Variants in SNTG1 observed in about 807,000 individuals in gnomAD.
The protein encoded by SNTG1 is gamma-1-syntrophin.
Under a neutral mutation model 74.7 loss-of-function variants are expected in SNTG1, and 39 were observed. That is an observed-to-expected ratio of 0.52 (90% CI 0.40 to 0.68). The LOEUF (loss-of-function observed/expected upper bound fraction) is 0.68, where lower values mean the gene tolerates loss of function less well. Ranked by LOEUF, SNTG1 falls within the 30% of genes least tolerant of loss-of-function variation. SNTG1 has a pLI of 0.00. For synonymous variants in SNTG1, 254 were observed against 217.1 expected, an observed-to-expected ratio of 1.17 and a Z score of -1.49; for missense variants, 685 against 609.5, an observed-to-expected ratio of 1.12 and a Z score of -1.30.
intron 8 of SNTG1, among the ~76,000 whole-genome samples, chr8:50,465,941 A>T (rs1467911921): frequency 1.3e-5 from 2 of 152,144 alleles, no homozygotes; most frequent in African/African-American, 4.8e-5. Context: ...ATTTTTAGAA[A>T]TCAATTGGCT....
intron 1 of SNTG1, among the ~76,000 whole-genome samples, chr8:50,110,091 T>C (rs2080525282): frequency 6.6e-6 from 1 of 152,192 alleles, no homozygotes; most frequent in African/African-American, 2.4e-5. Flanking sequence ...GAAGGTTGTG[T>C]AGTGGTTAAA....
At chr8:50,126,755 C>T (rs1274215241) in intron 1 of SNTG1, among the ~76,000 whole-genome samples, 1 of 151,648 alleles carries the variant, frequency 6.6e-6, no homozygotes, top group Admixed American at 6.6e-5. Flanking sequence ...GAACAGGTGA[C>T]AATAGTATCC....
intron 3 of SNTG1, among the ~76,000 whole-genome samples, chr8:50,398,665 G>T (rs186607912): frequency 6.6e-6 from 1 of 152,136 alleles, no homozygotes; most frequent in Non-Finnish European, 1.5e-5. Flanking sequence ...GGTGGCTCAC[G>T]CCTGTAATCC....
intron 9 of SNTG1, among the ~76,000 whole-genome samples, chr8:50,509,676 C>T (rs2094046965): frequency 6.6e-6 from 1 of 152,088 alleles, no homozygotes; most frequent in African/African-American, 2.4e-5. Context: ...CTCTTTGAAG[C>T]AATTGTGAAT....
chr8:50,636,887 TGTAA>T (rs1420901593), intron 13 of SNTG1, among the ~76,000 whole-genome samples: 2 of 152,202 alleles, frequency 1.3e-5, no homozygotes, highest in South Asian at 2.1e-4. Context: ...TTAAACACTA[TGTAA>T]GTGTTTATAA....
Position 50,450,526 on chromosome 8 carries a change from G to A in SNTG1, c.278-30G>A, listed in dbSNP as rs778673373. ...CATCTGCATAACAAAAACAGTCAAT[G>A]CATTATCAATTGTGCTTTTTCATTC... On this transcript the variant is annotated intron_variant, in intron 6 of 18. Coordinates refer to ENST00000642720, the MANE Select transcript of SNTG1 (RefSeq NM_018967.5). 5.0e-6 allele frequency: 8 copies of A among 1,610,870 alleles called. No homozygotes were observed. In the South Asian group the frequency reaches 7.7e-5, roughly 16 times the overall value.
intron 1 of SNTG1, among the ~76,000 whole-genome samples, chr8:50,167,887 G>C (rs1164825551): frequency 6.6e-6 from 1 of 151,386 alleles, no homozygotes; most frequent in Non-Finnish European, 1.5e-5. Context: ...TATTTTGAGA[G>C]AGATTTAGAA....
chr8:50,628,635 T>G (rs2094973989), intron 13 of SNTG1, among the ~76,000 whole-genome samples: 1 of 152,196 alleles, frequency 6.6e-6, no homozygotes, highest in Non-Finnish European at 1.5e-5. Flanking sequence ...TTCCTTTATG[T>G]GAATTTATAA....
At chr8:50,080,458 T>C (rs1250586836) in intron 1 of SNTG1, among the ~76,000 whole-genome samples, 2 of 152,190 alleles carry the variant, frequency 1.3e-5, no homozygotes, top group African/African-American at 2.4e-5. Context: ...CATTCACATT[T>C]AAACTTGTTA....
intron 13 of SNTG1, among the ~76,000 whole-genome samples, chr8:50,645,949 C>A (rs887188904): frequency 5.9e-5 from 9 of 152,000 alleles, no homozygotes; most frequent in Non-Finnish European, 1.2e-4. Context: ...TCCCAGGCAG[C>A]TTGGCTGGTC....
intron 2 of SNTG1, among the ~76,000 whole-genome samples, chr8:50,222,795 G>A (rs768611747): frequency 4.3e-4 from 66 of 152,202 alleles, no homozygotes; most frequent in Non-Finnish European, 7.1e-4. Flanking sequence ...AGAATGGCCC[G>A]GGGAACTAGT....
chr8:50,270,103 A>C (rs2130263698), intron 2 of SNTG1, among the ~76,000 whole-genome samples: 1 of 152,316 alleles, frequency 6.6e-6, no homozygotes, highest in East Asian at 1.9e-4. Context: ...AGAATATCAA[A>C]GCAGAAAACA....
intron 1 of SNTG1, among the ~76,000 whole-genome samples, chr8:49,985,446 T>C (rs1813067818): frequency 6.6e-6 from 1 of 152,210 alleles, no homozygotes; most frequent in African/African-American, 2.4e-5. Context: ...GTTTTAAATC[T>C]ATTAAAATCA....
chr8:50,512,348 A>G (rs2094087375), intron 9 of SNTG1, among the ~76,000 whole-genome samples: 1 of 150,378 alleles, frequency 6.6e-6, no homozygotes, highest in African/African-American at 2.4e-5. Context: ...TGCCCTTAAC[A>G]TTTTTTCCTT....
intron 1 of SNTG1, among the ~76,000 whole-genome samples, chr8:50,078,190 G>A (rs1342573136): frequency 1.3e-5 from 2 of 152,114 alleles, no homozygotes; most frequent in Non-Finnish European, 2.9e-5. Context: ...AAGATAATAA[G>A]TTTCAACACT....
chr8:50,183,453 T>C (rs1464342504), intron 2 of SNTG1, among the ~76,000 whole-genome samples: 1 of 152,182 alleles, frequency 6.6e-6, no homozygotes, highest in Non-Finnish European at 1.5e-5. Context: ...CCCACTTACC[T>C]TAGTTATCCT....
At position 50,022,230 on chromosome 8, in the gene SNTG1, T is replaced by C. The variant is rs190534796; in HGVS notation, c.-103+109999T>C. Among the ~76,000 whole-genome samples the C allele has an allele frequency of 8.0e-3, 1,222 of 152,268 alleles. 22 individuals are homozygous for C. Among genetic ancestry groups the C allele is most frequent in the African/African-American group, 0.028 (1,149 of 41,552 alleles). ...CTGTGATGGAGACAATAACAATGTC[T>C]CGAGACTGCTCTGTAGATAAATGAG... is the stretch of plus-strand genomic sequence containing the variant. On this transcript the variant is annotated intron_variant, in intron 1 of 18. Transcript: ENST00000642720.
rs542301824 is a variant in SNTG1, at chr8:50,788,518, C to T, written c.1396-4153C>T. The stretch of plus-strand genomic sequence containing the variant: ...ACCCACTTATGCCATTATTGGAACG[C>T]TAAGCGTGTGGGAGTTGTTTATATT... On this transcript the variant is annotated intron_variant, in intron 18 of 18. Coordinates refer to ENST00000642720, the MANE Select transcript of SNTG1 (RefSeq NM_018967.5). Among the ~76,000 whole-genome samples the T allele has an allele frequency of 6.6e-4, 101 of 152,040 alleles. 1 individual carries two copies. Among genetic ancestry groups the T allele is most frequent in the Middle Eastern group, 3.4e-3 (1 of 294 alleles).
chr8:49,981,450 A>C (rs1441049248), intron 1 of SNTG1, among the ~76,000 whole-genome samples: 2 of 131,740 alleles, frequency 1.5e-5, no homozygotes, highest in African/African-American at 5.7e-5. Context: ...ATAAAGAAAG[A>C]ATCTGGACTC....
Sources: gnomAD v4.1 joint callset for allele counts (sites outside exome capture counted in the v4.1 genomes callset) on GRCh38, gnomAD v4.1.1 for gene constraint, MANE v1.5 for transcripts, NCBI Gene and HGNC (gene_info 2026-07-23, HGNC 2026-07-21) for gene names.